MYBL2: variants seen among roughly 807,000 people sequenced by gnomAD.
MYBL2 encodes myb-related protein B.
MYBL2 carries 28 observed loss-of-function variants against 79.9 expected under a neutral mutation model. The ratio of observed to expected loss-of-function variants is 0.35; its 90% confidence interval spans 0.26 to 0.48. The LOEUF (loss-of-function observed/expected upper bound fraction) is 0.48, where lower values mean the gene tolerates loss of function less well. Among genes scored for constraint, MYBL2 ranks in the 20% least tolerant of loss-of-function variants. The pLI is 0.99. For synonymous variants in MYBL2, 378 were observed against 361.2 expected (o/e 1.05, Z -0.53); for missense variants, 735 against 893.9 (o/e 0.82, Z 2.27).
At chr20:43,699,033 A>C (rs1473915854) in intron 6 of MYBL2, among the ~76,000 whole-genome samples, 1 of 151,788 alleles carries the variant, frequency 6.6e-6, no homozygotes, top group Admixed American at 6.6e-5. Context: ...TTAAGCATTA[A>C]AAATTTATTT....
chr20:43,677,156 C>T (rs962847031), intron 2 of MYBL2, among the ~76,000 whole-genome samples: 2 of 151,260 alleles, frequency 1.3e-5, no homozygotes, highest in Non-Finnish European at 3.0e-5. Context: ...CTGTTGTGGA[C>T]CAGGGACTAT....
intron 9 of MYBL2, among the ~76,000 whole-genome samples, chr20:43,708,499 T>C (rs938519778): frequency 6.6e-6 from 1 of 152,074 alleles, no homozygotes; most frequent in Non-Finnish European, 1.5e-5. Context: ...AGTGGTGCAA[T>C]CATGGCTCAC....
chr20:43,715,464 A>G (rs1013887990), intron 13 of MYBL2, among the ~76,000 whole-genome samples, 181 bp downstream of exon 13: 10 of 151,134 alleles, frequency 6.6e-5, no homozygotes, highest in African/African-American at 2.4e-4. Context: ...TGCTTAACTT[A>G]CTCTTCTGAT....
intron 9 of MYBL2, 136 bp downstream of exon 9, chr20:43,705,494 T>G (rs1207227748): frequency 7.6e-6 from 8 of 1,049,858 alleles, no homozygotes; most frequent in Non-Finnish European, 1.0e-5. Flanking sequence ...AAGAAAGCCC[T>G]CTCCTTTCTG....
chr20:43,710,981 C>T (rs918039657), intron 10 of MYBL2, among the ~76,000 whole-genome samples: 6 of 152,118 alleles, frequency 3.9e-5, no homozygotes, highest in African/African-American at 7.2e-5. Context: ...GGCTGTGATT[C>T]GCACCTTTCA....
At chr20:43,667,975 G>A (rs1199881503) in intron 1 of MYBL2, among the ~76,000 whole-genome samples, 1 of 152,038 alleles carries the variant, frequency 6.6e-6, no homozygotes, top group East Asian at 1.9e-4. Flanking sequence ...AGTCCCTGGG[G>A]CAAAGGCAGG....
At chr20:43,671,644 G>C (rs533030415) in intron 1 of MYBL2, among the ~76,000 whole-genome samples, 3 of 151,148 alleles carry the variant, frequency 2.0e-5, no homozygotes, top group African/African-American at 4.9e-5. Flanking sequence ...GGCTAATTTT[G>C]TATTTTTAGT....
chr20:43,690,098 A>T (rs147253510), intron 5 of MYBL2, among the ~76,000 whole-genome samples: 1 of 152,108 alleles, frequency 6.6e-6, no homozygotes, highest in African/African-American at 2.4e-5. Flanking sequence ...ACATGTATGC[A>T]TGCGAGGTAT....
At chr20:43,704,094 A>G (rs560775697) in intron 8 of MYBL2, among the ~76,000 whole-genome samples, 13 of 152,222 alleles carry the variant, frequency 8.5e-5, no homozygotes, top group Admixed American at 3.9e-4. Flanking sequence ...GCTCACTGCA[A>G]TCTCCACCTT....
intron 2 of MYBL2, among the ~76,000 whole-genome samples, chr20:43,679,308 T>C (rs557695111): frequency 6.6e-6 from 1 of 152,352 alleles, no homozygotes; most frequent in Admixed American, 6.5e-5. Flanking sequence ...TGTATACATA[T>C]ATACACATAT....
At chr20:43,704,966 G>T (rs117521396) in intron 8 of MYBL2, among the ~76,000 whole-genome samples, 63 of 152,252 alleles carry the variant, frequency 4.1e-4, no homozygotes, top group African/African-American at 1.5e-3. Flanking sequence ...GTCAGCACTC[G>T]AGTAGAGATG....
intron 2 of MYBL2, among the ~76,000 whole-genome samples, chr20:43,678,854 T>C (rs1393692734): frequency 1.3e-5 from 1 of 74,594 alleles, no homozygotes; most frequent in African/African-American, 6.6e-5. Context: ...CAAAACTCCG[T>C]CTCAAAAAAA....
In MYBL2 at chr20:43,699,786, C is replaced by G; in HGVS notation, c.693C>G (p.Val231=). The G allele has an allele frequency of 6.2e-7, 1 of 1,614,162 alleles. No individual in the cohort carries two copies. The highest frequency in any genetic ancestry group is 1.1e-5 in the South Asian group (1 of 91,080). The change falls in exon 7 of 14, where the codon GTC becomes GTG. Residue 231 remains valine (V), a synonymous_variant. Transcript: ENST00000217026. ...GTCTTCTGACCAACTGGCCCTCCGT[C>G]CCTCCTACCATAAAGGAGGAGGAAA... is the stretch of plus-strand genomic sequence containing the variant. The part of the protein sequence containing the change: ...QGSLLTNWPS[V]PPTIKEEENS...
intron 4 of MYBL2, among the ~76,000 whole-genome samples, chr20:43,684,567 G>A (rs907129607): frequency 6.7e-6 from 1 of 149,928 alleles, no homozygotes; most frequent in Non-Finnish European, 1.5e-5. Context: ...GTAGAGACAG[G>A]GTCTTCCTAT....
At chr20:43,675,113 G>A (rs1361665137) in intron 2 of MYBL2, among the ~76,000 whole-genome samples, 1 of 151,672 alleles carries the variant, frequency 6.6e-6, no homozygotes, top group Non-Finnish European at 1.5e-5. Context: ...CTGAGTAGCT[G>A]GAACCACAGG....
Position 43,710,070 on chromosome 20 carries a change from G to T in MYBL2, c.1605+8G>T. 1.3e-6 allele frequency: 2 copies of T among 1,593,114 alleles called. No homozygotes were observed. The highest frequency in any genetic ancestry group is 1.7e-6 in the Non-Finnish European group (2 of 1,167,316). On this transcript the variant is annotated splice_region_variant and intron_variant, in intron 10 of 13. Transcript: ENST00000217026. ...GGACCCCTGAAGCCCCTGGTACGTG[G>T]TGTGGTCGCTGCCGTGGATCTCTGC...
At chr20:43,687,346 C>T (rs1179482391) in intron 5 of MYBL2, among the ~76,000 whole-genome samples, 1 of 152,184 alleles carries the variant, frequency 6.6e-6, no homozygotes, top group Non-Finnish European at 1.5e-5. Flanking sequence ...ATCCTGTTCC[C>T]AGCTCACTGT....
At chr20:43,705,032 TG>T (rs1199856451) in intron 8 of MYBL2, among the ~76,000 whole-genome samples, 186 bp from the exon 9 acceptor site, 2 of 152,214 alleles carry the variant, frequency 1.3e-5, no homozygotes, top group African/African-American at 4.8e-5. Context: ...ACCTGCTTGG[TG>T]GGCTCCTGGC....
intron 6 of MYBL2, among the ~76,000 whole-genome samples, chr20:43,696,088 C>T (rs1010022919): frequency 2.0e-5 from 3 of 152,122 alleles, no homozygotes; most frequent in Admixed American, 6.6e-5. Flanking sequence ...CATGTTAATT[C>T]GTGTATGGGA....
Sources: gnomAD v4.1 joint callset for allele counts (sites outside exome capture counted in the v4.1 genomes callset) on GRCh38, gnomAD v4.1.1 for gene constraint, MANE v1.5 for transcripts, NCBI Gene and HGNC (gene_info 2026-07-23, HGNC 2026-07-21) for gene names.